The following MAF variants were observed in gnomAD, a reference collection of about 807,000 sequenced individuals.
MAF encodes the protein transcription factor Maf.
MAF carries 10 observed loss-of-function variants against 22.0 expected under a neutral mutation model. The ratio of observed to expected loss-of-function variants is 0.45; its 90% CI spans 0.28 to 0.77. MAF has a LOEUF of 0.77. Ranked by LOEUF, MAF falls within the 30% of genes least tolerant of loss-of-function variation. MAF has a pLI of 0.12. For missense variants in MAF, 544 were observed against 548.4 expected, an observed-to-expected ratio of 0.99 and a Z score of 0.08; for synonymous variants, 337 against 255.8, an observed-to-expected ratio of 1.32 and a Z score of -3.03.
the MAF span, among the ~76,000 whole-genome samples, chr16:79,263,458 G>A: frequency 6.6e-6 from 1 of 152,156 alleles, no homozygotes; most frequent in Non-Finnish European, 1.5e-5. Flanking sequence ...TTTGTAATTT[G>A]GGCCTGAACC....
At chr16:79,329,739 T>A in the MAF span, among the ~76,000 whole-genome samples, 1 of 152,336 alleles carries the variant, frequency 6.6e-6, no homozygotes, top group East Asian at 1.9e-4. Flanking sequence ...TAGAAAACTG[T>A]ACTATTCTTA....
chr16:79,367,028 G>GT, the MAF span, among the ~76,000 whole-genome samples: 4 of 151,268 alleles, frequency 2.6e-5, no homozygotes, highest in East Asian at 1.9e-4. Flanking sequence ...AAAACTCAAG[G>GT]TTTTTTTTTC....
chr16:79,483,958 T>G, the MAF span, among the ~76,000 whole-genome samples: 1 of 152,100 alleles, frequency 6.6e-6, no homozygotes, highest in Non-Finnish European at 1.5e-5. Context: ...AGTGGCCAAC[T>G]TGACAAATAC....
the MAF span, among the ~76,000 whole-genome samples, chr16:79,216,863 G>A: frequency 3.9e-3 from 592 of 150,268 alleles, 2 homozygotes; most frequent in Non-Finnish European, 5.1e-3. Context: ...AGGCTGGAGT[G>A]CAGCGGCACG....
chr16:79,381,293 T>C, the MAF span, among the ~76,000 whole-genome samples: 3 of 152,242 alleles, frequency 2.0e-5, no homozygotes, highest in African/African-American at 7.2e-5. Flanking sequence ...GGTCACATTA[T>C]GCATTTCTGT....
At chr16:79,540,405 A>G in the MAF span, among the ~76,000 whole-genome samples, 3 of 152,048 alleles carry the variant, frequency 2.0e-5, no homozygotes, top group South Asian at 2.1e-4. Flanking sequence ...CCTGATTCCA[A>G]CGCTTCAACC....
At chr16:79,397,817 A>G in the MAF span, among the ~76,000 whole-genome samples, 1 of 152,228 alleles carries the variant, frequency 6.6e-6, no homozygotes, top group African/African-American at 2.4e-5. Flanking sequence ...AGGAAGTTAG[A>G]AGAACCTGAG....
chr16:79,237,215 G>C, the MAF span, among the ~76,000 whole-genome samples: 3 of 151,986 alleles, frequency 2.0e-5, no homozygotes, highest in African/African-American at 7.2e-5. Flanking sequence ...GCACGCAGTT[G>C]GTGTCCATGC....
chr16:79,234,613 C>T, the MAF span, among the ~76,000 whole-genome samples: 1 of 152,076 alleles, frequency 6.6e-6, no homozygotes, highest in Non-Finnish European at 1.5e-5. Context: ...GAAAGAGCAA[C>T]ATGTTGTGTG....
At chr16:79,513,679 C>A in the MAF span, among the ~76,000 whole-genome samples, 1 of 152,142 alleles carries the variant, frequency 6.6e-6, no homozygotes, top group Admixed American at 6.5e-5. Context: ...AAAATGGAAA[C>A]AATAAGCTTG....
chr16:79,364,769 G>T, the MAF span, among the ~76,000 whole-genome samples: 3 of 152,244 alleles, frequency 2.0e-5, no homozygotes, highest in East Asian at 5.8e-4. Context: ...TATGCCTGTG[G>T]GATCTTCCCG....
chr16:79,365,668 T>C, the MAF span, among the ~76,000 whole-genome samples: 1 of 152,298 alleles, frequency 6.6e-6, no homozygotes, highest in South Asian at 2.1e-4. Context: ...GGCTGGGAGC[T>C]GGCTGAGCTA....
At chr16:79,256,712 G>A in the MAF span, among the ~76,000 whole-genome samples, 1 of 152,132 alleles carries the variant, frequency 6.6e-6, no homozygotes, top group Non-Finnish European at 1.5e-5. Context: ...CTGTTCACCG[G>A]CACTCAATTG....
At chr16:79,256,944 C>T in the MAF span, among the ~76,000 whole-genome samples, 18 of 152,142 alleles carry the variant, frequency 1.2e-4, no homozygotes, top group Non-Finnish European at 1.8e-4. Context: ...TTTGGGAGGC[C>T]GAGGCGGGCA....
chr16:79,221,702 T>C, the MAF span, among the ~76,000 whole-genome samples: 4 of 151,974 alleles, frequency 2.6e-5, no homozygotes, highest in Non-Finnish European at 5.9e-5. Context: ...TGCATGAGTG[T>C]ATGTGATTGT....
chr16:79,505,920 A>T, the MAF span, among the ~76,000 whole-genome samples: 1 of 152,132 alleles, frequency 6.6e-6, no homozygotes, highest in Non-Finnish European at 1.5e-5. Flanking sequence ...AACGCAAAGA[A>T]CAATGGATAG....
the MAF span, among the ~76,000 whole-genome samples, chr16:79,343,033 T>G: frequency 1.3e-5 from 2 of 152,168 alleles, no homozygotes; most frequent in Non-Finnish European, 2.9e-5. Context: ...CTCTTGACAC[T>G]ACCTGATAGT....
the MAF span, among the ~76,000 whole-genome samples, chr16:79,347,535 C>T: frequency 6.6e-6 from 1 of 152,216 alleles, no homozygotes; most frequent in African/African-American, 2.4e-5. Context: ...TGACACGGCT[C>T]CCAGCCCTCC....
chr16:79,478,026 T>A, the MAF span, among the ~76,000 whole-genome samples: 2 of 152,172 alleles, frequency 1.3e-5, no homozygotes, highest in Non-Finnish European at 1.5e-5. Flanking sequence ...TGGCCGTGAC[T>A]TTTAAGGTAA....
Sources: allele counts gnomAD v4.1 joint callset (sites outside exome capture counted in the v4.1 genomes callset), GRCh38; gene constraint gnomAD v4.1.1; transcripts MANE v1.5; gene names NCBI Gene and HGNC (gene_info 2026-07-23, HGNC 2026-07-21).